Variants in MASP1 observed in about 807,000 individuals in gnomAD.
The protein encoded by MASP1 is mannan-binding lectin serine protease 1.
In MASP1, 59 loss-of-function variants were observed where a neutral mutation model predicts 77.1. That is an observed-to-expected ratio of 0.77 (90% CI 0.62 to 0.95). The LOEUF (loss-of-function observed/expected upper bound fraction) is 0.95. Ranked by LOEUF, MASP1 falls within the 40% of genes least tolerant of loss-of-function variation. MASP1 has a pLI of 0.00. For synonymous variants in MASP1, 362 were observed against 354.5 expected (o/e 1.02, Z -0.24); for missense variants, 885 against 912.9 (o/e 0.97, Z 0.39).
chr3:187,253,505 A>G (rs1714807447), intron 5 of MASP1, among the ~76,000 whole-genome samples, 190 bp from the exon 6 acceptor site: 1 of 152,106 alleles, frequency 6.6e-6, no homozygotes, highest in Non-Finnish European at 1.5e-5. Flanking sequence ...TCTCTCTTTT[A>G]TAATTTACAA....
At chr3:187,231,815 T>C (rs1008239104), downstream of MASP1, among the ~76,000 whole-genome samples, 1 of 152,190 alleles carries the variant, frequency 6.6e-6, no homozygotes, top group African/African-American at 2.4e-5. Flanking sequence ...AATAAAAAAT[T>C]TGTAGGTTTC....
Position 187,238,762 on chromosome 3 carries a change from TCAC to T in MASP1, c.1304-2198_1304-2196del, listed in dbSNP as rs529341902. ...CTTTCTACAAGTAGCCTTGTGCAAA[TCAC>T]TACACTATTCTGATAGTTTTCTCAT... On this transcript the variant is annotated intron_variant, in intron 10 of 10. Coordinates refer to ENST00000296280, the MANE Select transcript of MASP1 (RefSeq NM_139125.4). 4.0e-3 allele frequency among the ~76,000 whole-genome samples: 615 copies of T among 152,296 alleles called. 8 individuals carry two copies. The highest frequency in any genetic ancestry group is 0.014 in the African/African-American group (585 of 41,564).
At chr3:187,225,342 C>G in exon 13 of MASP1, 1 of 1,613,360 alleles carries the variant, frequency 6.2e-7, no homozygotes, top group Non-Finnish European at 8.5e-7. Flanking sequence ...TGGGGTCCCT[C>G]AGGCAGACAG....
intron 2 of MASP1, among the ~76,000 whole-genome samples, chr3:187,279,740 A>G (rs2108599210): frequency 6.6e-6 from 1 of 152,342 alleles, no homozygotes; most frequent in East Asian, 1.9e-4. Flanking sequence ...TCCTACTTAG[A>G]GAACTGCACT....
intron 2 of MASP1, among the ~76,000 whole-genome samples, chr3:187,275,924 T>C (rs982980456): frequency 1.3e-5 from 2 of 152,146 alleles, no homozygotes; most frequent in African/African-American, 4.8e-5. Flanking sequence ...AAGCCTGCCA[T>C]TGGCTGGCAG....
Position 187,235,798 on chromosome 3 carries a change from T to C in MASP1, c.2073A>G (p.Glu691=), listed in dbSNP as rs779897377. The change falls in exon 11 of 11, where the codon GAA becomes GAG. Residue 691 remains glutamate (E), a synonymous_variant. Coordinates refer to ENST00000296280, the MANE Select transcript of MASP1 (RefSeq NM_139125.4). ...CTCCATAGACCTGCTTGCTGCCGCA[T>C]TCTTCAGGTCCCCCCCAGGACACCA... ...QGLVSWGGPE[E]CGSKQVYGVY... 4 of 1,614,060 alleles carry C rather than the reference T, an allele frequency of 2.5e-6. No individual in the cohort carries two copies. In the Admixed American group the frequency reaches 5.0e-5, roughly 20 times the overall value.
rs369388819 is a variant in MASP1 at position 187,236,349 on chromosome 3, C to T, written c.1522G>A (p.Val508Met). Residue 508 changes from valine (V) to methionine (M), a missense_variant, in exon 11 of 11, where the codon GTG becomes ATG. By Grantham distance (21) the Val-to-Met change is conservative. Coordinates refer to ENST00000296280, the MANE Select transcript of MASP1 (RefSeq NM_139125.4). ...ACATGCTCCTTGGAGACTGGTATCA[C>T]CGTGGTGTCTCTACGCTGGGAGCGC... Reference protein sequence around the residue: ...VLRSQRRDTTVIPVSKEHVTV... With the variant: ...VLRSQRRDTTMIPVSKEHVTV... 1.7e-5 allele frequency: 28 copies of T among 1,614,140 alleles called. No homozygotes were observed. Among genetic ancestry groups the T allele is most frequent in the Non-Finnish European group, 2.3e-5 (27 of 1,180,068 alleles).
At chr3:187,289,429 G>T (rs1718125245) in intron 1 of MASP1, among the ~76,000 whole-genome samples, 2 of 152,104 alleles carry the variant, frequency 1.3e-5, no homozygotes, top group African/African-American at 4.8e-5. Flanking sequence ...AATACCATAT[G>T]GTGAATTAAC....
At chr3:187,222,706 T>C (rs1183680428) in intron 14 of MASP1, among the ~76,000 whole-genome samples, 1 of 150,716 alleles carries the variant, frequency 6.6e-6, no homozygotes, top group Non-Finnish European at 1.5e-5. Flanking sequence ...CTTGAACTGA[T>C]AGGAATATGA....
At chr3:187,223,064 G>T in intron 14 of MASP1, 1 of 1,410,144 alleles carries the variant, frequency 7.1e-7, no homozygotes, top group South Asian at 1.2e-5. Flanking sequence ...GAACAATACG[G>T]AGCAGGAAGG....
chr3:187,259,504 G>A (rs1020549168), intron 4 of MASP1, among the ~76,000 whole-genome samples: 4 of 151,948 alleles, frequency 2.6e-5, no homozygotes, highest in Non-Finnish European at 5.9e-5. Context: ...TTCATGGTGG[G>A]GGCCTTAGGA....
intron 6 of MASP1, among the ~76,000 whole-genome samples, chr3:187,252,773 A>G (rs1397417620): frequency 6.6e-6 from 1 of 152,110 alleles, no homozygotes; most frequent in Non-Finnish European, 1.5e-5. Flanking sequence ...ACCATAATGA[A>G]ACATTCTGGG....
chr3:187,221,553 C>T (rs905223997), intron 14 of MASP1, among the ~76,000 whole-genome samples: 1 of 152,210 alleles, frequency 6.6e-6, no homozygotes, highest in Non-Finnish European at 1.5e-5. Flanking sequence ...GACTCTGAGA[C>T]CCTTTTTCCT....
At chr3:187,259,798 C>T (rs1715403314) in intron 4 of MASP1, among the ~76,000 whole-genome samples, 1 of 152,162 alleles carries the variant, frequency 6.6e-6, no homozygotes, top group Non-Finnish European at 1.5e-5. Flanking sequence ...ACTTTTGTCT[C>T]CAGACTTGTG....
At chr3:187,285,467 T>A (rs1201001581) in intron 2 of MASP1, among the ~76,000 whole-genome samples, 1 of 152,038 alleles carries the variant, frequency 6.6e-6, no homozygotes, top group African/African-American at 2.4e-5. Context: ...ATAATTATGG[T>A]TCTCTTTCCA....
rs1264495691 is a variant in MASP1 at position 187,236,501 on chromosome 3, T to C, written c.1370A>G (p.Glu457Gly). 6.2e-7 allele frequency: 1 copy of C among 1,613,974 alleles called. No individual in the cohort carries two copies. The highest frequency in any genetic ancestry group is 2.2e-5 in the East Asian group (1 of 44,862). ...VKRIIGGRNAEPGLFPWQALI... is the reference protein window; with the variant it reads ...VKRIIGGRNAGPGLFPWQALI... ...GGCCTGCCACGGGAAGAGGCCAGGC[T>C]CAGCATTTCGGCCCCCAATGATCCT... Residue 457 changes from glutamate (E) to glycine (G), a missense_variant, in exon 11 of 11, where the codon GAG (glutamate) becomes GGG (glycine). Transcript: ENST00000296280.
intron 2 of MASP1, among the ~76,000 whole-genome samples, chr3:187,280,786 G>A (rs1247858242): frequency 6.6e-6 from 1 of 152,164 alleles, no homozygotes; most frequent in Non-Finnish European, 1.5e-5. Flanking sequence ...AAAAGACTGA[G>A]AATCTTAAGA....
chr3:187,258,345 T>A (rs1715274141), intron 4 of MASP1, among the ~76,000 whole-genome samples: 1 of 152,198 alleles, frequency 6.6e-6, no homozygotes, highest in East Asian at 1.9e-4. Flanking sequence ...ATGTCTCCCA[T>A]CCTGAAAGGA....
chr3:187,287,784 A>G (rs1717981354), intron 1 of MASP1, among the ~76,000 whole-genome samples: 1 of 152,224 alleles, frequency 6.6e-6, no homozygotes, highest in Non-Finnish European at 1.5e-5. Context: ...TAACAATGAT[A>G]TATTTGCTAA....
Sources: allele counts gnomAD v4.1 joint callset (sites outside exome capture counted in the v4.1 genomes callset), GRCh38; gene constraint gnomAD v4.1.1; transcripts MANE v1.5; gene names NCBI Gene and HGNC (gene_info 2026-07-23, HGNC 2026-07-21).